ARHGAP5: variants seen among roughly 807,000 people sequenced by gnomAD.
ARHGAP5 encodes the protein rho GTPase-activating protein 5.
ARHGAP5 carries 23 observed loss-of-function variants against 116.6 expected under a neutral mutation model. That is an observed-to-expected ratio of 0.20 (90% confidence interval 0.14 to 0.28). The LOEUF (loss-of-function observed/expected upper bound fraction) is 0.28. Among genes scored for constraint, ARHGAP5 ranks in the 10% least tolerant of loss-of-function variants. The pLI, the probability that ARHGAP5 is intolerant of heterozygous loss-of-function variation, is 1.00. For synonymous variants in ARHGAP5, 574 were observed against 602.0 expected (o/e 0.95, Z 0.68); for missense variants, 1,405 against 1,774.8 (o/e 0.79, Z 3.74).
At chr14:32,141,130 CTG>C (rs919049676) in intron 3 of ARHGAP5, among the ~76,000 whole-genome samples, 1 of 152,184 alleles carries the variant, frequency 6.6e-6, no homozygotes, top group Admixed American at 6.5e-5. Flanking sequence ...GCTACTCCCA[CTG>C]TCTTATTAAT....
chr14:32,077,964 C>G (rs1235660885), intron 1 of ARHGAP5, among the ~76,000 whole-genome samples: 1 of 152,180 alleles, frequency 6.6e-6, no homozygotes, highest in Non-Finnish European at 1.5e-5. Context: ...ATCTCCTCGA[C>G]TCCTCCCTGG....
chr14:32,120,914 A>G (rs1187267939), intron 3 of ARHGAP5, among the ~76,000 whole-genome samples: 1 of 151,966 alleles, frequency 6.6e-6, no homozygotes, highest in African/African-American at 2.4e-5. Flanking sequence ...GAAATCTGCA[A>G]TCATGATTGT....
chr14:32,130,679 C>T (rs1880439970), intron 3 of ARHGAP5, among the ~76,000 whole-genome samples: 1 of 151,970 alleles, frequency 6.6e-6, no homozygotes, highest in South Asian at 2.1e-4. Flanking sequence ...ACTACAGGCA[C>T]GTGCCACCAC....
chr14:32,115,895 T>A (rs942844148), intron 2 of ARHGAP5, among the ~76,000 whole-genome samples: 1 of 150,634 alleles, frequency 6.6e-6, no homozygotes, highest in African/African-American at 2.4e-5. Context: ...CTTGGAAGGC[T>A]GAGGCAGGAG....
intron 3 of ARHGAP5, among the ~76,000 whole-genome samples, chr14:32,134,453 G>A (rs953153608): frequency 1.6e-4 from 25 of 152,220 alleles, no homozygotes; most frequent in African/African-American, 5.5e-4. Context: ...AAAAACTCTT[G>A]CTCTATTGAT....
chr14:32,136,573 G>A (rs974179585), intron 3 of ARHGAP5, among the ~76,000 whole-genome samples: 1 of 152,176 alleles, frequency 6.6e-6, no homozygotes, highest in African/African-American at 2.4e-5. Context: ...GTGAATGTTT[G>A]TGTAAGTATT....
chr14:32,124,657 A>G (rs940564639), intron 3 of ARHGAP5, among the ~76,000 whole-genome samples: 1 of 152,172 alleles, frequency 6.6e-6, no homozygotes, highest in African/African-American at 2.4e-5. Flanking sequence ...AGAAGTTATA[A>G]TGAGAAATGG....
At chr14:32,126,567 G>T (rs1280265719) in intron 3 of ARHGAP5, among the ~76,000 whole-genome samples, 5 of 152,018 alleles carry the variant, frequency 3.3e-5, no homozygotes, top group African/African-American at 1.2e-4. Flanking sequence ...TCCCAATAAG[G>T]TCACCTTCTA....
intron 2 of ARHGAP5, among the ~76,000 whole-genome samples, chr14:32,106,977 A>G (rs1033250729): frequency 1.8e-4 from 27 of 152,184 alleles, no homozygotes; most frequent in Admixed American, 1.8e-3. Flanking sequence ...CCATTCCTAT[A>G]TAAGTTCTAC....
chr14:32,147,165 C>T (rs749761447), intron 4 of ARHGAP5, among the ~76,000 whole-genome samples: 2 of 151,990 alleles, frequency 1.3e-5, no homozygotes, highest in Non-Finnish European at 2.9e-5. Context: ...AAAATGAAAA[C>T]CATAAGTACT....
intron 3 of ARHGAP5, among the ~76,000 whole-genome samples, chr14:32,137,216 T>A (rs1002946161): frequency 6.7e-6 from 1 of 149,952 alleles, no homozygotes; most frequent in Non-Finnish European, 1.5e-5. Flanking sequence ...GGGTTTGCTC[T>A]TACATTTAGG....
Position 32,147,838 on chromosome 14 carries a change from G to A in ARHGAP5, c.3943+1498G>A, listed in dbSNP as rs546888752. Among the ~76,000 whole-genome samples the A allele has an allele frequency of 8.5e-5, 13 of 152,252 alleles. 1 individual carries two copies. Among genetic ancestry groups the A allele is most frequent in the South Asian group, 4.1e-4 (2 of 4,830 alleles). On this transcript the variant is annotated intron_variant, in intron 4 of 6. Transcript: ENST00000345122. ...ACACACCTTGTTGCCAAAGAGTATC[G>A]TATAGTCTAGTATCCCATTTTTAAA...
intron 3 of ARHGAP5, among the ~76,000 whole-genome samples, chr14:32,121,134 C>T (rs780609599): frequency 1.1e-4 from 17 of 150,758 alleles, no homozygotes; most frequent in Non-Finnish European, 2.5e-4. Flanking sequence ...CCTCCCACCT[C>T]AGCCTCCCAA....
chr14:32,108,115 G>A (rs777874685), intron 2 of ARHGAP5, among the ~76,000 whole-genome samples: 1 of 152,154 alleles, frequency 6.6e-6, no homozygotes, highest in African/African-American at 2.4e-5. Flanking sequence ...ATAGTATCTG[G>A]TCGTGACAAG....
intron 1 of ARHGAP5, among the ~76,000 whole-genome samples, chr14:32,085,558 A>G (rs551343990): frequency 6.6e-6 from 1 of 152,162 alleles, no homozygotes; most frequent in Non-Finnish European, 1.5e-5. Context: ...TTTAGTGTGC[A>G]GTTGTTTTTT....
At position 32,156,686 on chromosome 14, in the gene ARHGAP5, C is replaced by T. The variant is rs1182097459; in HGVS notation, c.*1738C>T. The T allele has an allele frequency of 1.3e-5, 2 of 152,188 alleles. No individual in the cohort carries two copies. Among genetic ancestry groups the T allele is most frequent in the East Asian group, 3.8e-4 (2 of 5,200 alleles). The allele number at this position is 152,188 out of a possible 1,614,324, so 9.4% of individuals were successfully genotyped here. A position where few individuals can be genotyped will look rare whatever the true frequency, so the allele number is the denominator to read the frequency against. On this transcript the variant is annotated 3_prime_UTR_variant, in exon 7 of 7. Coordinates refer to ENST00000345122, the MANE Select transcript of ARHGAP5 (RefSeq NM_001030055.2). ...TTAACCTGTTCTATATTACTTATAC[C>T]TATTGTCTATATAGCTTTAATTTAT...
chr14:32,101,917 A>AG (rs1250462999), intron 2 of ARHGAP5, among the ~76,000 whole-genome samples: 1 of 152,160 alleles, frequency 6.6e-6, no homozygotes, highest in Non-Finnish European at 1.5e-5. Context: ...CAGAAGGTGA[A>AG]GGTTGCAGTG....
chr14:32,147,533 A>T (rs1362589880), intron 4 of ARHGAP5, among the ~76,000 whole-genome samples: 1 of 152,176 alleles, frequency 6.6e-6, no homozygotes, highest in Non-Finnish European at 1.5e-5. Context: ...TTTGAGAGGC[A>T]GTTTGTGAAT....
At chr14:32,146,640 T>C (rs1881392581) in intron 4 of ARHGAP5, among the ~76,000 whole-genome samples, 1 of 152,100 alleles carries the variant, frequency 6.6e-6, no homozygotes, top group African/African-American at 2.4e-5. Flanking sequence ...ATAAGAAACT[T>C]CTAAAATACA....
Sources: gnomAD v4.1 joint callset for allele counts (sites outside exome capture counted in the v4.1 genomes callset) on GRCh38, gnomAD v4.1.1 for gene constraint, MANE v1.5 for transcripts, NCBI Gene and HGNC (gene_info 2026-07-23, HGNC 2026-07-21) for gene names.